The following ZNF277 variants were observed in gnomAD, a reference collection of about 807,000 sequenced individuals.
ZNF277 encodes the protein nuclear receptor-interacting factor 4.
In ZNF277, 55 loss-of-function variants were observed where a neutral mutation model predicts 60.7. That is an observed-to-expected ratio of 0.91 (90% CI 0.73 to 1.13). The LOEUF (loss-of-function observed/expected upper bound fraction) is 1.13. Ranked by LOEUF, ZNF277 falls within the 50% of genes most tolerant of loss-of-function variation. The probability of loss-of-function intolerance (pLI) is 0.00; values close to 1 mark genes in which losing one functional copy is unlikely to be tolerated. For synonymous variants in ZNF277, 178 were observed against 179.3 expected (o/e 0.99, Z 0.06); for missense variants, 510 against 523.0 (o/e 0.98, Z 0.24).
chr7:112,237,648 A>G (rs561134468), intron 1 of ZNF277, among the ~76,000 whole-genome samples: 24 of 152,176 alleles, frequency 1.6e-4, no homozygotes, highest in Admixed American at 3.3e-4. Flanking sequence ...AGATTGAACC[A>G]GGAAGAAATA....
intron 1 of ZNF277, among the ~76,000 whole-genome samples, chr7:112,252,963 G>A (rs1791231468): frequency 6.6e-6 from 1 of 152,180 alleles, no homozygotes; most frequent in African/African-American, 2.4e-5. Flanking sequence ...TTTTGTCCTT[G>A]AGAAAGTCAC....
At chr7:112,261,486 A>G (rs763243817) in intron 1 of ZNF277, among the ~76,000 whole-genome samples, 52 of 152,234 alleles carry the variant, frequency 3.4e-4, no homozygotes, top group Admixed American at 6.5e-4. Flanking sequence ...ATTTTAGCCT[A>G]TATCGACAAT....
chr7:112,305,456 A>G (rs576240032), intron 4 of ZNF277, among the ~76,000 whole-genome samples: 1 of 151,922 alleles, frequency 6.6e-6, no homozygotes, highest in East Asian at 1.9e-4. Context: ...GTAGATACTC[A>G]AAAGTTATAC....
At chr7:112,258,090 A>T (rs1225998245) in intron 1 of ZNF277, among the ~76,000 whole-genome samples, 1 of 152,124 alleles carries the variant, frequency 6.6e-6, no homozygotes, top group Non-Finnish European at 1.5e-5. Flanking sequence ...CATTTTAATG[A>T]TGGTAACTAA....
intron 4 of ZNF277, among the ~76,000 whole-genome samples, chr7:112,303,275 A>G (rs1792519497): frequency 6.8e-6 from 1 of 147,628 alleles, no homozygotes; most frequent in Non-Finnish European, 1.5e-5. Flanking sequence ...CTAAATTGAC[A>G]TTTGTTAGAA....
chr7:112,223,847 G>A (rs1443538306), intron 1 of ZNF277, among the ~76,000 whole-genome samples: 1 of 152,202 alleles, frequency 6.6e-6, no homozygotes, highest in Non-Finnish European at 1.5e-5. Flanking sequence ...AGCAATTGGG[G>A]TTGCAGTCTT....
chr7:112,283,177 A>T (rs1791985484), intron 1 of ZNF277, among the ~76,000 whole-genome samples: 1 of 152,250 alleles, frequency 6.6e-6, no homozygotes, highest in Non-Finnish European at 1.5e-5. Context: ...GTGCCAAAAA[A>T]TCATTTGGGA....
At chr7:112,332,655 C>T (rs2117134117) in intron 7 of ZNF277, among the ~76,000 whole-genome samples, 1 of 152,336 alleles carries the variant, frequency 6.6e-6, no homozygotes, top group Non-Finnish European at 1.5e-5. Context: ...GTTTCCACTT[C>T]CTATTCCTAT....
At chr7:112,267,615 C>G (rs1023082857) in intron 1 of ZNF277, among the ~76,000 whole-genome samples, 1 of 152,056 alleles carries the variant, frequency 6.6e-6, no homozygotes, top group Admixed American at 6.6e-5. Context: ...CTTTTTTTCT[C>G]TCTTTCTCTT....
At chr7:112,309,979 G>A (rs1792684133) in intron 4 of ZNF277, among the ~76,000 whole-genome samples, 1 of 152,104 alleles carries the variant, frequency 6.6e-6, no homozygotes, top group African/African-American at 2.4e-5. Flanking sequence ...AGGATGCATT[G>A]TTCTCCTGGC....
intron 11 of ZNF277, among the ~76,000 whole-genome samples, chr7:112,341,959 G>T (rs372190116): frequency 6.6e-6 from 1 of 152,066 alleles, no homozygotes; most frequent in East Asian, 1.9e-4. Flanking sequence ...TGTATTCAGA[G>T]AAGGAACCAG....
At chr7:112,211,647 C>T (rs1451184505) in intron 1 of ZNF277, among the ~76,000 whole-genome samples, 2 of 152,226 alleles carry the variant, frequency 1.3e-5, no homozygotes. Flanking sequence ...TGGATCTCCA[C>T]TTGAAATCTT....
chr7:112,259,999 G>T (rs1791406346), intron 1 of ZNF277, among the ~76,000 whole-genome samples: 1 of 152,234 alleles, frequency 6.6e-6, no homozygotes, highest in Non-Finnish European at 1.5e-5. Context: ...CAGCACAGTG[G>T]CTCACGCCTG....
At chr7:112,213,139 T>G (rs1821797803) in intron 1 of ZNF277, among the ~76,000 whole-genome samples, 1 of 152,176 alleles carries the variant, frequency 6.6e-6, no homozygotes, top group Admixed American at 6.5e-5. Flanking sequence ...TGATAGTGAA[T>G]AAGTCTCATG....
At chr7:112,219,814 T>G (rs563982152) in intron 1 of ZNF277, among the ~76,000 whole-genome samples, 1 of 152,236 alleles carries the variant, frequency 6.6e-6, no homozygotes, top group Admixed American at 6.5e-5. Flanking sequence ...TTTTAAAATT[T>G]TTTGTAGAGG....
At chr7:112,275,840 A>G (rs560071392) in intron 1 of ZNF277, among the ~76,000 whole-genome samples, 1 of 152,342 alleles carries the variant, frequency 6.6e-6, no homozygotes, top group Non-Finnish European at 1.5e-5. Context: ...TTGCACCATT[A>G]GTTTCCCACT....
chr7:112,261,496 T>G (rs1791438265), intron 1 of ZNF277, among the ~76,000 whole-genome samples: 1 of 152,136 alleles, frequency 6.6e-6, no homozygotes, highest in Admixed American at 6.6e-5. Flanking sequence ...ATATCGACAA[T>G]CATTTCTTGC....
At chr7:112,341,616 T>G (rs1793446554) in intron 11 of ZNF277, among the ~76,000 whole-genome samples, 1 of 152,244 alleles carries the variant, frequency 6.6e-6, no homozygotes, top group Non-Finnish European at 1.5e-5. Flanking sequence ...TTGAAAAAAT[T>G]AAGCAGTTGG....
In ZNF277 at chr7:112,335,756, A is replaced by G. The variant is rs558531578; in HGVS notation, c.802-348A>G. Among the ~76,000 whole-genome samples the G allele has an allele frequency of 3.1e-4, 47 of 152,320 alleles. No homozygotes were observed. In the South Asian group the frequency reaches 6.6e-3, roughly 21 times the overall value. On this transcript the variant is annotated intron_variant, in intron 7 of 11. Coordinates refer to ENST00000361822, the MANE Select transcript of ZNF277 (RefSeq NM_021994.3). ...GCTCTGGAAATGTAACAATGAACAA[A>G]GGCCATTAGAATCCCAGATATTCTA...
Sources: allele counts gnomAD v4.1 joint callset (sites outside exome capture counted in the v4.1 genomes callset), GRCh38; gene constraint gnomAD v4.1.1; transcripts MANE v1.5; gene names NCBI Gene and HGNC (gene_info 2026-07-23, HGNC 2026-07-21).